NELL2: variants seen among roughly 807,000 people sequenced by gnomAD.
The protein encoded by NELL2 is neural EGFL like 2, also known as protein kinase C-binding protein NELL2.
In NELL2, 41 loss-of-function variants were observed where a neutral mutation model predicts 109.6. The ratio of observed to expected loss-of-function variants is 0.37; its 90% CI spans 0.29 to 0.49. NELL2 has a LOEUF of 0.49. Among genes scored for constraint, NELL2 ranks in the 20% least tolerant of loss-of-function variants. The pLI, the probability that NELL2 is intolerant of heterozygous loss-of-function variation, is 0.98. For missense variants in NELL2, 900 were observed against 1,008.3 expected (o/e 0.89, Z 1.45); for synonymous variants, 355 against 344.7 (o/e 1.03, Z -0.33).
intron 15 of NELL2, among the ~76,000 whole-genome samples, chr12:44,550,525 CAG>C (rs1942998007): frequency 6.8e-6 from 1 of 148,070 alleles, no homozygotes; most frequent in African/African-American, 2.5e-5. Flanking sequence ...GCCTGGGCAA[CAG>C]AGTGAGACTC....
intron 1 of NELL2, among the ~76,000 whole-genome samples, chr12:44,891,289 G>A (rs897348696): frequency 6.6e-6 from 1 of 152,158 alleles, no homozygotes; most frequent in African/African-American, 2.4e-5. Context: ...CAGAAGAGAG[G>A]TCTGGACTAT....
At chr12:44,743,240 C>T (rs1045397336) in intron 9 of NELL2, among the ~76,000 whole-genome samples, 8 of 152,166 alleles carry the variant, frequency 5.3e-5, no homozygotes, top group African/African-American at 1.9e-4. Context: ...ACTTCAAAGA[C>T]AAGCAAATGC....
intron 15 of NELL2, among the ~76,000 whole-genome samples, chr12:44,598,360 G>T (rs571011096): frequency 6.6e-6 from 1 of 152,120 alleles, no homozygotes; most frequent in East Asian, 1.9e-4. Context: ...GGGAGCATTA[G>T]AAATTTAGGA....
intron 15 of NELL2, among the ~76,000 whole-genome samples, chr12:44,567,602 C>T (rs1359769892): frequency 1.3e-5 from 2 of 152,016 alleles, no homozygotes; most frequent in Non-Finnish European, 2.9e-5. Flanking sequence ...GAAATATAGC[C>T]TAGAAATATG....
intron 15 of NELL2, among the ~76,000 whole-genome samples, chr12:44,605,678 A>G (rs552862989): frequency 1.3e-5 from 2 of 152,218 alleles, no homozygotes; most frequent in South Asian, 4.1e-4. Flanking sequence ...ATTTTCTGGG[A>G]CAGCTTTTAT....
chr12:44,619,135 A>C (rs981692174), intron 13 of NELL2, among the ~76,000 whole-genome samples: 1 of 152,156 alleles, frequency 6.6e-6, no homozygotes, highest in African/African-American at 2.4e-5. Context: ...GTGGCTCTTG[A>C]CAGACAGGGA....
At chr12:44,742,069 T>C (rs1235392994) in intron 9 of NELL2, among the ~76,000 whole-genome samples, 1 of 151,896 alleles carries the variant, frequency 6.6e-6, no homozygotes, top group East Asian at 1.9e-4. Flanking sequence ...CCAGTAGGGG[T>C]GGACTGACAC....
chr12:44,831,728 T>C (rs576222968), intron 2 of NELL2, among the ~76,000 whole-genome samples: 1 of 152,308 alleles, frequency 6.6e-6, no homozygotes, highest in South Asian at 2.1e-4. Context: ...CCACTCTTCT[T>C]TTCTTTCAGA....
intron 10 of NELL2, among the ~76,000 whole-genome samples, chr12:44,712,512 G>A (rs960388745): frequency 6.6e-6 from 1 of 151,930 alleles, no homozygotes; most frequent in African/African-American, 2.4e-5. Flanking sequence ...TTTTCAAAAG[G>A]ACAAAACTGA....
intron 2 of NELL2, among the ~76,000 whole-genome samples, chr12:44,854,448 A>G (rs1944618436): frequency 6.6e-6 from 1 of 152,196 alleles, no homozygotes; most frequent in African/African-American, 2.4e-5. Flanking sequence ...TGTCAGAGAG[A>G]TGAAAAAGAG....
At chr12:44,872,262 A>C (rs1016899460) in intron 2 of NELL2, among the ~76,000 whole-genome samples, 3 of 152,092 alleles carry the variant, frequency 2.0e-5, no homozygotes, top group Admixed American at 6.6e-5. Flanking sequence ...TGACTAGAAA[A>C]TTGCCTGGAT....
intron 9 of NELL2, among the ~76,000 whole-genome samples, chr12:44,759,617 C>A (rs1462566075): frequency 6.6e-6 from 1 of 152,146 alleles, no homozygotes; most frequent in Non-Finnish European, 1.5e-5. Context: ...TTCTAACCTG[C>A]CAAACTATTT....
At chr12:44,706,884 A>T (rs1189138650) in intron 11 of NELL2, among the ~76,000 whole-genome samples, 2 of 152,166 alleles carry the variant, frequency 1.3e-5, no homozygotes, top group East Asian at 3.8e-4. Flanking sequence ...ATAAAGTTCT[A>T]TGTTTTTCTA....
chr12:44,606,504 T>C (rs1945405066), intron 15 of NELL2, among the ~76,000 whole-genome samples: 2 of 152,148 alleles, frequency 1.3e-5, no homozygotes, highest in Admixed American at 6.5e-5. Context: ...AATTAGGACT[T>C]AATACTCAAA....
chr12:44,536,107 G>C (rs186066026), intron 15 of NELL2, among the ~76,000 whole-genome samples: 71 of 151,934 alleles, frequency 4.7e-4, no homozygotes, highest in African/African-American at 1.5e-3. Context: ...TGCTTGAATT[G>C]ACAGAGTATA....
chr12:44,921,037 C>T (rs567960358), intron 1 of NELL2, among the ~76,000 whole-genome samples: 1 of 152,184 alleles, frequency 6.6e-6, no homozygotes, highest in African/African-American at 2.4e-5. Flanking sequence ...TCCTAATCTA[C>T]GTACACACTT....
chr12:44,533,958 C>A (rs544314962), intron 15 of NELL2, among the ~76,000 whole-genome samples: 10 of 152,210 alleles, frequency 6.6e-5, no homozygotes, highest in Admixed American at 5.2e-4. Context: ...GCCTCTGACA[C>A]CTGAATCATA....
rs181029053 is a variant in NELL2 at position 44,767,796 on chromosome 12, G to T, written c.994+6951C>A. 4.6e-5 allele frequency among the ~76,000 whole-genome samples: 7 copies of T among 152,156 alleles called. No homozygotes were observed. In the East Asian group the frequency reaches 1.4e-3, roughly 29 times the overall value. On this transcript the variant is annotated intron_variant, in intron 9 of 19. Coordinates refer to ENST00000429094, the MANE Select transcript of NELL2 (RefSeq NM_001145108.2). Reference sequence around the variant, plus strand: ...TACAATATATAAAAAGCCTAGACAGGCAATGTGAGTAGACACATTAAAAGT... The same window carrying T: ...TACAATATATAAAAAGCCTAGACAGTCAATGTGAGTAGACACATTAAAAGT...
intron 9 of NELL2, among the ~76,000 whole-genome samples, chr12:44,765,219 T>C (rs1375220032): frequency 6.6e-6 from 1 of 152,242 alleles, no homozygotes; most frequent in Non-Finnish European, 1.5e-5. Context: ...TATCTGCATA[T>C]TATCTATTGT....
Sources: allele counts gnomAD v4.1 joint callset (sites outside exome capture counted in the v4.1 genomes callset), GRCh38; gene constraint gnomAD v4.1.1; transcripts MANE v1.5; gene names NCBI Gene and HGNC (gene_info 2026-07-23, HGNC 2026-07-21).